The following SRCAP variants were observed in gnomAD, a reference collection of about 807,000 sequenced individuals.
SRCAP encodes the protein chromatin remodeling protein SRCAP.
Under a neutral mutation model 263.1 loss-of-function variants are expected in SRCAP, and 46 were observed. The observed-to-expected ratio is 0.17, with a 90% CI of 0.14 to 0.22. The LOEUF is 0.22. SRCAP is among the 10% of genes least tolerant of loss of function. The pLI is 1.00. For missense variants in SRCAP, 3,695 were observed against 4,181.9 expected (o/e 0.88, Z 3.21); for synonymous variants, 1,813 against 1,662.1 (o/e 1.09, Z -2.21).
intron 27 of SRCAP, among the ~76,000 whole-genome samples, chr16:30,730,655 C>T (rs1014346988): frequency 3.3e-5 from 5 of 151,898 alleles, no homozygotes; most frequent in African/African-American, 9.7e-5. Flanking sequence ...TGGTCTCGAT[C>T]TCCTGACCTC....
chr16:30,700,370 G>C (rs2052752526), intron 2 of SRCAP, among the ~76,000 whole-genome samples: 1 of 152,208 alleles, frequency 6.6e-6, no homozygotes, highest in Non-Finnish European at 1.5e-5. Flanking sequence ...TATATCCGTT[G>C]TGTGTAGGAG....
At chr16:30,713,900 G>GTTTT (rs34824568) in intron 16 of SRCAP, among the ~76,000 whole-genome samples, 189 bp downstream of exon 16, 1 of 138,986 alleles carries the variant, frequency 7.2e-6, no homozygotes, top group Admixed American at 7.2e-5. Flanking sequence ...CATCAATTCT[G>GTTTT]TTTTTTTTTT....
chr16:30,724,281 T>C lies in SRCAP; in HGVS notation c.4857T>C (p.Ala1619=), dbSNP rs1178192726. 9 of 1,614,086 alleles carry C rather than the reference T, an allele frequency of 5.6e-6. No homozygotes were observed. The highest frequency in any genetic ancestry group is 1.3e-5 in the African/African-American group (1 of 75,000). ...TCCTGGCACCATCGCCAGGTGCTGC[T>C]CCTGTCCTGGCTTCATCACAGACTC... is the stretch of plus-strand genomic sequence containing the variant. The part of the protein sequence containing the change: ...LPVLAPSPGA[A]PVLASSQTPV... Residue 1619 remains alanine, a synonymous_variant, in exon 25 of 34, where the codon GCT becomes GCC. Transcript: ENST00000262518.
rs1181062817 is a variant in SRCAP, at chr16:30,723,288, GC to G, written c.4159+61del. The G allele has an allele frequency of 3.3e-6, 5 of 1,534,278 alleles. No homozygotes were observed. In the East Asian group the frequency reaches 9.1e-5, roughly 28 times the overall value. ...CCAGGAATGGAGACGAGATGGGGTC[GC>G]CTCAAGGTTTCTTAGTTTTAGTACA... On this transcript the variant is annotated intron_variant, in intron 24 of 33. Transcript: ENST00000262518.
At chr16:30,721,105 T>G in intron 20 of SRCAP, 84 bp from the exon 21 acceptor site, 1 of 1,541,012 alleles carries the variant, frequency 6.5e-7, no homozygotes, top group Admixed American at 2.0e-5. Context: ...ATTTGATGGG[T>G]TGGAAGGGAG....
chr16:30,717,230 G>T (rs2052959695), intron 18 of SRCAP, among the ~76,000 whole-genome samples: 1 of 152,016 alleles, frequency 6.6e-6, no homozygotes. Flanking sequence ...ATCTTTTCAT[G>T]TGCTCATTGG....
chr16:30,714,152 C>T (rs1217355810), intron 16 of SRCAP, among the ~76,000 whole-genome samples: 1 of 150,972 alleles, frequency 6.6e-6, no homozygotes, highest in African/African-American at 2.4e-5. Flanking sequence ...GCAAGCTTTG[C>T]CTCCCAGGTT....
At position 30,709,552 on chromosome 16, in the gene SRCAP, C is replaced by T; in HGVS notation, c.673C>T (p.Arg225Cys). The change falls in exon 7 of 34, where the codon CGC becomes TGC. Residue 225 changes from arginine (R) to cysteine (C), a missense_variant. Arg to Cys is a radical substitution (Grantham distance 180). Around this residue, in one of 12 missense-constraint regions of SRCAP, gnomAD observed 107 missense variants for 223.8 expected, o/e 0.48. Coordinates refer to ENST00000262518, the MANE Select transcript of SRCAP (RefSeq NM_006662.3). ...FKQQSRLEEK[R>C]KKALDLHLDF... is the part of the protein sequence containing the mutation. The stretch of plus-strand genomic sequence containing the variant: ...GCAACAGTCCCGGCTTGAGGAAAAG[C>T]GCAAAAAAGCCCTGGACCTGCATTT... 1 of 1,614,100 alleles carries T rather than the reference C, an allele frequency of 6.2e-7. No homozygotes were observed. Among genetic ancestry groups the T allele is most frequent in the Non-Finnish European group, 8.5e-7 (1 of 1,180,028 alleles).
Position 30,704,228 on chromosome 16 carries a change from G to A in SRCAP, c.219G>A (p.Gly73=), listed in dbSNP as rs570017914. Residue 73 remains glycine (G), a synonymous_variant, in exon 4 of 34, where the codon GGG becomes GGA. Coordinates refer to ENST00000262518, the MANE Select transcript of SRCAP (RefSeq NM_006662.3). ...PPDGATVPLE[G]FSLSQAADLA... ...ATGGTGCCACAGTGCCCCTGGAGGG[G>A]TTCAGCTTATCCCAGGCTGCTGACC... is the stretch of plus-strand genomic sequence containing the variant. 1.9e-6 allele frequency: 3 copies of A among 1,614,184 alleles called. No individual in the cohort carries two copies. The highest frequency in any genetic ancestry group is 2.2e-5 in the East Asian group (1 of 44,870).
Position 30,724,434 on chromosome 16 carries a change from A to T in SRCAP, c.5010A>T (p.Ser1670=). The T allele has an allele frequency of 6.2e-7, 1 of 1,613,620 alleles. No homozygotes were observed. Among genetic ancestry groups the T allele is most frequent in the Non-Finnish European group, 8.5e-7 (1 of 1,179,892 alleles). Residue 1670 remains serine, a synonymous_variant, in exon 25 of 34, where the codon TCA becomes TCT. Coordinates refer to ENST00000262518, the MANE Select transcript of SRCAP (RefSeq NM_006662.3). ...TQTMLPAPVP[S]PLPSPASTQT... is the part of the protein sequence containing the mutation. ...CTATGCTACCAGCCCCGGTTCCGTC[A>T]CCTCTCCCGAGCCCGGCTTCTACGC...
At chr16:30,716,532 C>G (rs117002749) in intron 18 of SRCAP, 53 bp downstream of exon 18, 25,374 of 1,506,176 alleles carry the variant, frequency 0.017, 277 homozygotes, top group Non-Finnish European at 0.02. Context: ...ATTACTCCAA[C>G]CATGTACCTC....
At position 30,739,524 on chromosome 16, in the gene SRCAP, C is replaced by G. The variant is rs748378196; in HGVS notation, c.9484C>G (p.Pro3162Ala). Residue 3162 changes from proline to alanine, a missense_variant, in exon 34 of 34, where the codon CCC (proline) becomes GCC (alanine). Physicochemically the swap from Pro to Ala is conservative, Grantham distance 27. This residue lies in a region of SRCAP where 1,207 missense variants were observed against 1,142.9 expected (regional missense o/e 1.06). Coordinates refer to ENST00000262518, the MANE Select transcript of SRCAP (RefSeq NM_006662.3). ...GCGGGGCCGCCTACAGCCCCCAAGT[C>G]CCCTGGGGCCTGAGGGTTCAGTAGA... ...AKRGRLQPPS[P>A]LGPEGSVEES... 1.2e-6 allele frequency: 2 copies of G among 1,611,964 alleles called. No individual in the cohort carries two copies. The highest frequency in any genetic ancestry group is 4.5e-5 in the East Asian group (2 of 44,842).
In SRCAP at chr16:30,704,198, C is replaced by T. The variant is rs79656879; in HGVS notation, c.189C>T (p.Pro63=). 1.2e-6 allele frequency: 2 copies of T among 1,614,168 alleles called. No individual in the cohort carries two copies. Among genetic ancestry groups the T allele is most frequent in the African/African-American group, 1.3e-5 (1 of 75,036 alleles). ...CCTCACTGGATGGACCTCCAGGCCC[C>T]CCAGATGGTGCCACAGTGCCCCTGG... ...QDSSLDGPPG[P]PDGATVPLEG... The change falls in exon 4 of 34, where the codon CCC becomes CCT. Residue 63 remains proline, a synonymous_variant. Transcript: ENST00000262518.
intron 15 of SRCAP, 38 bp from the exon 16 acceptor site, chr16:30,713,481 T>G: frequency 6.2e-7 from 1 of 1,612,156 alleles, no homozygotes; most frequent in South Asian, 1.1e-5. Context: ...GGGAGCTTGC[T>G]GACCATACTC....
At chr16:30,717,123 T>A (rs147104600) in intron 18 of SRCAP, among the ~76,000 whole-genome samples, 275 of 152,340 alleles carry the variant, frequency 1.8e-3, no homozygotes, top group African/African-American at 5.9e-3. Context: ...TTATTTCTTT[T>A]TTTTTAATTA....
intron 6 of SRCAP, 140 bp from the exon 7 acceptor site, chr16:30,709,373 G>A (rs2052863825): frequency 1.3e-6 from 1 of 790,928 alleles, no homozygotes; most frequent in Non-Finnish European, 2.1e-6. Context: ...AGACCATAGT[G>A]AGCCCCTAAG....
At chr16:30,721,565 G>T (rs548094413) in intron 21 of SRCAP, 89 bp downstream of exon 21, 154 of 1,493,272 alleles carry the variant, frequency 1.0e-4, no homozygotes, top group Non-Finnish European at 1.3e-4. Flanking sequence ...AGCTGGGTCA[G>T]GCATGATGGC....
intron 21 of SRCAP, 39 bp from the exon 22 acceptor site, chr16:30,722,083 G>A: frequency 6.3e-7 from 1 of 1,594,570 alleles, no homozygotes; most frequent in Non-Finnish European, 8.6e-7. Flanking sequence ...TGTTGAGCAG[G>A]ATGAGCCTTG....
At chr16:30,722,482 T>G (rs1259137342) in intron 22 of SRCAP, 81 bp from the exon 23 acceptor site, 14 of 1,556,044 alleles carry the variant, frequency 9.0e-6, no homozygotes, top group African/African-American at 1.4e-5. Context: ...TCTCTGTTCT[T>G]TTCTTCTCTT....
Sources: allele counts gnomAD v4.1 joint callset (sites outside exome capture counted in the v4.1 genomes callset), GRCh38; gene constraint gnomAD v4.1.1; regional missense constraint gnomAD v4.1.1; transcripts MANE v1.5; gene names NCBI Gene and HGNC (gene_info 2026-07-23, HGNC 2026-07-21).